SYNE1: variants seen among roughly 807,000 people sequenced by gnomAD.
SYNE1 encodes the protein nesprin-1.
In SYNE1, 616 loss-of-function variants were observed where a neutral mutation model predicts 1,111.0. That is an observed-to-expected ratio of 0.55 (90% CI 0.52 to 0.59). The LOEUF is 0.59. SYNE1 is among the 20% of genes least tolerant of loss of function. The pLI, the probability that SYNE1 is intolerant of heterozygous loss-of-function variation, is 0.00. For missense variants in SYNE1, 10,006 were observed against 10,417.0 expected (o/e 0.96, Z 1.72); for synonymous variants, 3,855 against 3,825.8 (o/e 1.01, Z -0.28).
chr6:152,329,678 T>A (rs930548125), intron 78 of SYNE1, 52 bp downstream of exon 78: 1 of 1,613,222 alleles, frequency 6.2e-7, no homozygotes, highest in South Asian at 1.1e-5. Context: ...CTTGTACCTG[T>A]TTACAAATAA....
At position 152,151,693 on chromosome 6, in the gene SYNE1, G is replaced by A; in HGVS notation, c.24313-3C>T. On this transcript the variant is annotated splice_region_variant and splice_polypyrimidine_tract_variant and intron_variant, in intron 134 of 145. Transcript: ENST00000367255. ...TCCTCACGCTGGCCAATAAAATGCT[G>A]GAAGGCAAGAGGAAAGTAGTAACAA... is the stretch of plus-strand genomic sequence containing the variant. The A allele has an allele frequency of 6.2e-7, 1 of 1,613,784 alleles. No individual in the cohort carries two copies. The highest frequency in any genetic ancestry group is 2.2e-5 in the East Asian group (1 of 44,868).
intron 127 of SYNE1, among the ~76,000 whole-genome samples, chr6:152,193,517 C>G (rs1338543109): frequency 1.3e-5 from 2 of 152,000 alleles, no homozygotes; most frequent in Non-Finnish European, 2.9e-5. Context: ...AGGGTTTTGC[C>G]ATGTTGACCA....
chr6:152,278,880 G>T (rs950459325), intron 97 of SYNE1, among the ~76,000 whole-genome samples: 1 of 152,006 alleles, frequency 6.6e-6, no homozygotes, highest in Non-Finnish European at 1.5e-5. Flanking sequence ...GGATCCCCTT[G>T]CCTGAGCCTC....
At chr6:152,615,095 A>G (rs559414371) in intron 3 of SYNE1, among the ~76,000 whole-genome samples, 1 of 152,312 alleles carries the variant, frequency 6.6e-6, no homozygotes, top group East Asian at 1.9e-4. Context: ...AAACCTGCAC[A>G]TGTACCCTTT....
At chr6:152,160,364 C>A (rs375331974) in intron 131 of SYNE1, among the ~76,000 whole-genome samples, 5 of 152,240 alleles carry the variant, frequency 3.3e-5, no homozygotes, top group East Asian at 1.9e-4. Flanking sequence ...ATAATCTAGC[C>A]CCTCCTGGCT....
intron 116 of SYNE1, among the ~76,000 whole-genome samples, chr6:152,225,290 C>T (rs923779293): frequency 4.4e-5 from 6 of 136,934 alleles, no homozygotes; most frequent in Non-Finnish European, 7.8e-5. Flanking sequence ...AACACACACA[C>T]ACACACACAC....
At chr6:152,213,465 T>C (rs2077932566) in intron 123 of SYNE1, 147 bp downstream of exon 123, 44 of 915,670 alleles carry the variant, frequency 4.8e-5, no homozygotes, top group Non-Finnish European at 7.9e-5. Flanking sequence ...TATCAAAACC[T>C]CAAGCTTAAG....
rs746689638 is a variant in SYNE1, at chr6:152,367,237, C to T, written c.9953G>A (p.Ser3318Asn). The stretch of plus-strand genomic sequence containing the variant: ...GCACACCTCGAGCTTGAGCGTCCTG[C>T]TGTCCAGCACACTTTTGTCGGATGT... ...HPTSDKSVLD[S>N]RTLKLEALLS... is the part of the protein sequence containing the mutation. Residue 3318 changes from serine to asparagine, a missense_variant, in exon 62 of 146, where the codon AGC becomes AAC. Physicochemically the swap from Ser to Asn is conservative, Grantham distance 46 (BLOSUM62 1). Transcript: ENST00000367255. 2.5e-5 allele frequency: 41 copies of T among 1,614,098 alleles called. No homozygotes were observed. Among genetic ancestry groups the T allele is most frequent in the Non-Finnish European group, 3.3e-5 (39 of 1,180,038 alleles).
chr6:152,133,651 T>C, intron 142 of SYNE1, 163 bp from the exon 143 acceptor site: 1 of 701,172 alleles, frequency 1.4e-6, no homozygotes, highest in Non-Finnish European at 2.4e-6. Flanking sequence ...GCCTGAGTTC[T>C]AATCCTGCCT....
chr6:152,215,275 C>T (rs538420902), intron 121 of SYNE1, among the ~76,000 whole-genome samples: 43 of 152,314 alleles, frequency 2.8e-4, no homozygotes, highest in Admixed American at 1.2e-3. Flanking sequence ...GCTATTGCTA[C>T]TCAAGCTACT....
In SYNE1 at chr6:152,162,438, A is replaced by G. The variant is rs936103182; in HGVS notation, c.23790+1725T>C. Among the ~76,000 whole-genome samples the G allele has an allele frequency of 4.6e-5, 7 of 152,288 alleles. No homozygotes were observed. The East Asian group carries it at 1.4e-3, about 29-fold the overall frequency. ...TAGTAGTAGGTGGGGCTATAAATAC[A>G]TATGATCAATTTGCCATATTTAACT... On this transcript the variant is annotated intron_variant, in intron 131 of 145. Transcript: ENST00000367255.
At chr6:152,513,129 T>C (rs1209561483) in intron 6 of SYNE1, among the ~76,000 whole-genome samples, 1 of 152,178 alleles carries the variant, frequency 6.6e-6, no homozygotes, top group Non-Finnish European at 1.5e-5. Flanking sequence ...TGATGCACAT[T>C]AGTGCTTGAG....
intron 128 of SYNE1, among the ~76,000 whole-genome samples, chr6:152,187,468 G>A (rs2153224817): frequency 6.6e-6 from 1 of 152,118 alleles, no homozygotes; most frequent in South Asian, 2.1e-4. Context: ...CAATTGGCAG[G>A]GACATAAGAG....
intron 3 of SYNE1, among the ~76,000 whole-genome samples, chr6:152,581,691 A>G (rs2128425159): frequency 6.6e-6 from 1 of 152,218 alleles, no homozygotes; most frequent in East Asian, 1.9e-4. Context: ...TCTTAAAGGG[A>G]ACCTAGTTGT....
In SYNE1 at chr6:152,293,999, C is replaced by T. The variant is rs149611688; in HGVS notation, c.17811G>A (p.Leu5937=). The T allele has an allele frequency of 6.2e-7, 1 of 1,614,108 alleles. No homozygotes were observed. The highest frequency in any genetic ancestry group is 2.2e-5 in the East Asian group (1 of 44,882). Residue 5937 remains leucine (L), a synonymous_variant, in exon 94 of 146, where the codon CTG becomes CTA. Transcript: ENST00000367255. The part of the protein sequence containing the change: ...PGLEPSATAK[L]GDLQRSWETL... ...TTTCCCAAGAACGCTGCAAATCACC[C>T]AGTTTGGCAGTAGCGGATGGCTCCA...
chr6:152,470,432 T>G (rs1312381407), intron 16 of SYNE1, among the ~76,000 whole-genome samples: 2 of 152,182 alleles, frequency 1.3e-5, no homozygotes, highest in African/African-American at 4.8e-5. Flanking sequence ...CGTAATTGCT[T>G]GAAGCTTAAA....
At chr6:152,175,451 A>G (rs778470950) in intron 130 of SYNE1, among the ~76,000 whole-genome samples, 1 of 152,248 alleles carries the variant, frequency 6.6e-6, no homozygotes, top group Non-Finnish European at 1.5e-5. Context: ...AAAGAAACCC[A>G]GATTTTAAAA....
At chr6:152,490,854 C>G (rs1292545860) in intron 11 of SYNE1, among the ~76,000 whole-genome samples, 1 of 152,144 alleles carries the variant, frequency 6.6e-6, no homozygotes. Context: ...TCAGGCCAGC[C>G]CAAGGAACAT....
chr6:152,545,948 T>C (rs548837179), intron 3 of SYNE1: 68 of 152,224 alleles, frequency 4.5e-4, no homozygotes, highest in African/African-American at 1.6e-3. Context: ...TACACCTCAA[T>C]AAAATATTGG....
Sources: gnomAD v4.1 joint callset for allele counts (sites outside exome capture counted in the v4.1 genomes callset) on GRCh38, gnomAD v4.1.1 for gene constraint, MANE v1.5 for transcripts, NCBI Gene and HGNC (gene_info 2026-07-23, HGNC 2026-07-21) for gene names.